The following ROBO2 variants were observed in gnomAD, a reference collection of about 807,000 sequenced individuals.
The protein encoded by ROBO2 is roundabout guidance receptor 2, also known as roundabout homolog 2.
A neutral mutation model predicts 160.8 loss-of-function variants in ROBO2; 53 were observed. That is an observed-to-expected ratio of 0.33 (90% CI 0.26 to 0.41). The LOEUF (loss-of-function observed/expected upper bound fraction) is 0.41, where lower values mean the gene tolerates loss of function less well. Ranked by LOEUF, ROBO2 falls within the 10% of genes least tolerant of loss-of-function variation. ROBO2 has a pLI of 1.00. For synonymous variants in ROBO2, 664 were observed against 611.7 expected, an observed-to-expected ratio of 1.09 and a Z score of -1.26; for missense variants, 1,577 against 1,722.4, an observed-to-expected ratio of 0.92 and a Z score of 1.49.
intron 2 of ROBO2, among the ~76,000 whole-genome samples, chr3:77,170,993 T>G (rs2079579429): frequency 6.6e-6 from 1 of 152,114 alleles, no homozygotes; most frequent in Non-Finnish European, 1.5e-5. Context: ...GATAAATGTG[T>G]GGCTTCTGCC....
intron 2 of ROBO2, among the ~76,000 whole-genome samples, chr3:76,220,316 T>G (rs2107398790): frequency 6.6e-6 from 1 of 151,738 alleles, no homozygotes; most frequent in East Asian, 1.9e-4. Context: ...ACCCTAAAAC[T>G]TAAAGTATAA....
chr3:77,355,142 T>C (rs112664587), intron 2 of ROBO2, among the ~76,000 whole-genome samples: 1,616 of 152,210 alleles, frequency 0.011, 16 homozygotes, highest in Admixed American at 0.014. Context: ...CCCTAGGAGC[T>C]CTATCACATA....
intron 2 of ROBO2, among the ~76,000 whole-genome samples, chr3:75,969,398 A>G (rs1265742170): frequency 6.7e-6 from 1 of 150,218 alleles, no homozygotes; most frequent in Non-Finnish European, 1.5e-5. Flanking sequence ...TATATCTTTC[A>G]TATACTGATT....
chr3:76,992,690 A>T (rs1303666856), intron 2 of ROBO2, among the ~76,000 whole-genome samples: 1 of 152,078 alleles, frequency 6.6e-6, no homozygotes, highest in Non-Finnish European at 1.5e-5. Flanking sequence ...GCTGAACAGA[A>T]ATCTATCTTC....
intron 21 of ROBO2, among the ~76,000 whole-genome samples, chr3:77,611,759 A>G (rs1377445530): frequency 6.6e-6 from 1 of 152,220 alleles, no homozygotes; most frequent in Non-Finnish European, 1.5e-5. Context: ...AAAGAAGAAA[A>G]GTATTTGTTA....
intron 2 of ROBO2, among the ~76,000 whole-genome samples, chr3:76,331,955 A>T (rs908937785): frequency 1.3e-4 from 20 of 152,120 alleles, no homozygotes; most frequent in Admixed American, 3.3e-4. Flanking sequence ...AAATGCTGGG[A>T]TTACAGGAGT....
chr3:76,761,979 T>C (rs1462606591), intron 2 of ROBO2, among the ~76,000 whole-genome samples: 1 of 150,552 alleles, frequency 6.6e-6, no homozygotes, highest in South Asian at 2.1e-4. Context: ...AATAAGATCA[T>C]GAGACATTTA....
chr3:76,417,102 G>A (rs901361070), intron 2 of ROBO2, among the ~76,000 whole-genome samples: 4 of 152,106 alleles, frequency 2.6e-5, no homozygotes, highest in Non-Finnish European at 5.9e-5. Context: ...GTTCCTTTAC[G>A]TGGTTATTGT....
At chr3:76,009,608 T>C (rs1262763039) in intron 2 of ROBO2, among the ~76,000 whole-genome samples, 1 of 152,214 alleles carries the variant, frequency 6.6e-6, no homozygotes, top group Non-Finnish European at 1.5e-5. Flanking sequence ...GTCTAGAAAA[T>C]CTTAGGAATG....
At chr3:77,154,325 A>C (rs1032719336) in intron 2 of ROBO2, among the ~76,000 whole-genome samples, 2 of 152,126 alleles carry the variant, frequency 1.3e-5, no homozygotes, top group African/African-American at 4.8e-5. Context: ...GTTTAGCTAA[A>C]TATGTCCTCA....
chr3:76,468,958 C>T (rs1386161606), intron 2 of ROBO2, among the ~76,000 whole-genome samples: 2 of 152,048 alleles, frequency 1.3e-5, no homozygotes, highest in Non-Finnish European at 2.9e-5. Context: ...TAAAGGGGAT[C>T]TCTGACTCAT....
chr3:76,961,677 C>T (rs2079674427), intron 2 of ROBO2, among the ~76,000 whole-genome samples: 1 of 152,114 alleles, frequency 6.6e-6, no homozygotes, highest in African/African-American at 2.4e-5. Context: ...TCAGGTTTCT[C>T]ATGTAAAAAA....
chr3:76,365,989 T>C, intron 2 of ROBO2, among the ~76,000 whole-genome samples: 1 of 152,050 alleles, frequency 6.6e-6, no homozygotes, highest in African/African-American at 2.4e-5. Context: ...TCTGCCCTCA[T>C]CACCTTCCTC....
chr3:77,251,886 C>G (rs1483307998), intron 2 of ROBO2, among the ~76,000 whole-genome samples: 4 of 152,188 alleles, frequency 2.6e-5, no homozygotes, highest in Admixed American at 2.6e-4. Flanking sequence ...AAACCTTTTT[C>G]TTTATGAATT....
intron 2 of ROBO2, among the ~76,000 whole-genome samples, chr3:75,976,677 A>G (rs1437668705): frequency 1.3e-5 from 2 of 151,610 alleles, no homozygotes; most frequent in Admixed American, 6.6e-5. Context: ...GGTATTTTCA[A>G]TAATTCATAT....
chr3:77,166,849 G>A (rs1033476664), intron 2 of ROBO2, among the ~76,000 whole-genome samples: 1 of 152,158 alleles, frequency 6.6e-6, no homozygotes, highest in South Asian at 2.1e-4. Flanking sequence ...GTGAGCCCCC[G>A]CGCCCGGCCG....
intron 2 of ROBO2, among the ~76,000 whole-genome samples, chr3:76,726,348 A>G (rs1560451426): frequency 6.6e-6 from 1 of 152,092 alleles, no homozygotes; most frequent in Admixed American, 6.5e-5. Context: ...TCTAAAAAAA[A>G]TTAGGCTATG....
At chr3:76,809,891 A>G (rs2065027708) in intron 2 of ROBO2, among the ~76,000 whole-genome samples, 1 of 152,106 alleles carries the variant, frequency 6.6e-6, no homozygotes, top group Non-Finnish European at 1.5e-5. Context: ...ACTAGAGAAC[A>G]GGACAATTTT....
chr3:77,584,540 T>A (rs2093994322), intron 16 of ROBO2, among the ~76,000 whole-genome samples: 2 of 152,210 alleles, frequency 1.3e-5, no homozygotes, highest in African/African-American at 4.8e-5. Context: ...TTCTTTCTAT[T>A]ACAAATAAGT....
Sources: gnomAD v4.1 joint callset for allele counts (sites outside exome capture counted in the v4.1 genomes callset) on GRCh38, gnomAD v4.1.1 for gene constraint, MANE v1.5 for transcripts, NCBI Gene and HGNC (gene_info 2026-07-23, HGNC 2026-07-21) for gene names.